The following NEBL variants were observed in gnomAD, a reference collection of about 807,000 sequenced individuals.
NEBL encodes nebulette, also known as LIM and SH3 protein 2.
Under a neutral mutation model 140.2 loss-of-function variants are expected in NEBL, and 122 were observed. That is an observed-to-expected ratio of 0.87 (90% confidence interval 0.75 to 1.01). NEBL has a LOEUF of 1.01. NEBL is among the 50% of genes least tolerant of loss of function. The pLI is 0.00. For synonymous variants in NEBL, 436 were observed against 398.9 expected (o/e 1.09, Z -1.11); for missense variants, 1,365 against 1,231.3 (o/e 1.11, Z -1.62).
In NEBL at chr10:21,233,868, CAT is replaced by C. The variant is rs771015552; in HGVS notation, n.348+14051_348+14052del. Among the ~76,000 whole-genome samples, 8 of 124,468 alleles carry C rather than the reference CAT, an allele frequency of 6.4e-5. No individual in the cohort carries two copies. The South Asian group carries it at 1.2e-3, about 18-fold the overall frequency. 81.7% of individuals were successfully genotyped at this position (124,468 alleles called of 152,430 possible). ...ATATTACATATATAGATATATATTA[CAT>C]ATATATGCATATATAGATATATATT... On this transcript the variant is annotated intron_variant and non_coding_transcript_variant, in intron 3 of 8. Transcript: ENST00000675702.
Position 21,065,819 on chromosome 10 carries a change from A to G in NEBL, c.165-45618T>C, listed in dbSNP as rs141788959. Among the ~76,000 whole-genome samples the G allele has an allele frequency of 3.0e-3, 462 of 152,324 alleles. 3 individuals carry two copies. Among genetic ancestry groups the G allele is most frequent in the Non-Finnish European group, 2.5e-3 (171 of 68,028 alleles). ...GCAACCCTATCACTCCATCTGGCAC[A>G]TCTTTCCTGGAACAGTCCCTGGAAG... On this transcript the variant is annotated intron_variant, in intron 2 of 6. Coordinates refer to the NEBL transcript ENST00000417816.
intron 2 of NEBL, chr10:21,030,098 G>A: frequency 6.3e-6 from 3 of 473,718 alleles, no homozygotes; most frequent in Non-Finnish European, 1.2e-5. Flanking sequence ...CTTTGGAGGG[G>A]CAAAGCCCGT....
chr10:21,074,507 T>G (rs991045161), intron 2 of NEBL, among the ~76,000 whole-genome samples: 4 of 150,760 alleles, frequency 2.7e-5, no homozygotes, highest in Admixed American at 2.0e-4. Flanking sequence ...TGAGTCAGAG[T>G]CTCGCTCTGT....
intron 24 of NEBL, among the ~76,000 whole-genome samples, chr10:20,811,640 C>T (rs1838153109): frequency 6.6e-6 from 1 of 152,210 alleles, no homozygotes; most frequent in South Asian, 2.1e-4. Context: ...CTTAGTGCTG[C>T]TCTGACTTTA....
At chr10:20,944,997 AC>A (rs1312651817) in intron 4 of NEBL, among the ~76,000 whole-genome samples, 1 of 152,200 alleles carries the variant, frequency 6.6e-6, no homozygotes, top group East Asian at 1.9e-4. Context: ...CAATATTTAA[AC>A]AAACAATAAC....
At chr10:21,053,235 A>G (rs550560873) in intron 2 of NEBL, among the ~76,000 whole-genome samples, 1 of 152,216 alleles carries the variant, frequency 6.6e-6, no homozygotes, top group Non-Finnish European at 1.5e-5. Flanking sequence ...GAGCATATAC[A>G]ATGTAAGATT....
chr10:21,006,501 A>T (rs1838144655), intron 3 of NEBL, among the ~76,000 whole-genome samples: 1 of 152,176 alleles, frequency 6.6e-6, no homozygotes, highest in Admixed American at 6.5e-5. Flanking sequence ...GAGACCTGTA[A>T]ATCCAACCAG....
rs1837066334 is a variant in NEBL, at chr10:20,800,990, C to T, written c.2761+7520G>A. On this transcript the variant is annotated intron_variant, in intron 26 of 27. Transcript: ENST00000377122. ...GTGCTGGGACCATGTTCCCTTGAGC[C>T]CTATCTCTGCAGAGATTGGGGTTCA... is the stretch of plus-strand genomic sequence containing the variant. Among the ~76,000 whole-genome samples the T allele has an allele frequency of 2.0e-5, 3 of 152,078 alleles. No homozygotes were observed. The South Asian group carries it at 6.2e-4, about 32-fold the overall frequency.
rs1425270194 is a variant in NEBL at position 20,982,364 on chromosome 10, A to AT, written c.250-20586dup. Among the ~76,000 whole-genome samples, 17 of 145,816 alleles carry AT rather than the reference A, an allele frequency of 1.2e-4. 1 individual carries two copies. Among genetic ancestry groups the AT allele is most frequent in the African/African-American group, 4.4e-4 (16 of 36,640 alleles). The stretch of plus-strand genomic sequence containing the variant: ...GTCTCAATTTCAGCAAGGGTATCCT[A>AT]TTTTTTTATTTGTTGAACTTGAGCA... On this transcript the variant is annotated intron_variant, in intron 3 of 6. Transcript: ENST00000417816.
At chr10:20,843,381 G>C (rs574311255) in intron 12 of NEBL, among the ~76,000 whole-genome samples, 4 of 151,990 alleles carry the variant, frequency 2.6e-5, no homozygotes, top group Non-Finnish European at 5.9e-5. Flanking sequence ...ACAGTGTTCT[G>C]AGCCCTTTCC....
At chr10:20,859,673 A>G (rs372369741) in intron 8 of NEBL, 40 bp downstream of exon 8, 3 of 1,351,320 alleles carry the variant, frequency 2.2e-6, no homozygotes, top group Admixed American at 1.7e-5. Flanking sequence ...AACAAGAATC[A>G]AAAGATTTTG....
intron 2 of NEBL, among the ~76,000 whole-genome samples, chr10:21,250,247 C>A (rs1421755581): frequency 6.6e-6 from 1 of 152,064 alleles, no homozygotes; most frequent in East Asian, 1.9e-4. Flanking sequence ...TGAGTGGGCA[C>A]CATCTAATCA....
At chr10:21,126,016 C>T (rs377618156) in intron 2 of NEBL, 16 of 1,614,154 alleles carry the variant, frequency 9.9e-6, no homozygotes, top group Admixed American at 6.7e-5. Context: ...GCTGACTCTC[C>T]GCAGCCACCT....
At chr10:21,281,587 A>T (rs999000287) in intron 1 of NEBL, among the ~76,000 whole-genome samples, 1 of 151,872 alleles carries the variant, frequency 6.6e-6, no homozygotes, top group African/African-American at 2.4e-5. Flanking sequence ...CCCCAAACAC[A>T]CATTCATCCT....
At chr10:21,113,290 T>TAAAAA (rs56366013) in intron 2 of NEBL, 39 of 124,070 alleles carry the variant, frequency 3.1e-4, no homozygotes, top group South Asian at 1.9e-3. Context: ...ATGAGAATCC[T>TAAAAA]AAAAAAAAAA....
At chr10:21,201,826 GTTTC>G (rs1466840275) in intron 3 of NEBL, among the ~76,000 whole-genome samples, 10 of 152,064 alleles carry the variant, frequency 6.6e-5, no homozygotes, top group Admixed American at 5.9e-4. Context: ...GTTTGGAAAA[GTTTC>G]TTTCAGCTTC....
intron 2 of NEBL, among the ~76,000 whole-genome samples, chr10:21,086,078 C>T (rs11012517): frequency 0.11 from 16,826 of 151,876 alleles, 988 homozygotes; most frequent in South Asian, 0.16. Context: ...GAGAATCTGG[C>T]GTTGTATTGG....
chr10:21,082,761 A>ATTTT (rs71392113), intron 2 of NEBL, among the ~76,000 whole-genome samples: 6,590 of 109,382 alleles, frequency 0.06, 492 homozygotes, highest in East Asian at 0.096. Flanking sequence ...GGAGGGATGC[A>ATTTT]TTTTTTTTTT....
At chr10:21,063,306 T>C (rs550160293) in intron 2 of NEBL, among the ~76,000 whole-genome samples, 1 of 152,282 alleles carries the variant, frequency 6.6e-6, no homozygotes, top group South Asian at 2.1e-4. Flanking sequence ...CATTCCATGA[T>C]CACCATCAAG....
Sources: gnomAD v4.1 joint callset for allele counts (sites outside exome capture counted in the v4.1 genomes callset) on GRCh38, gnomAD v4.1.1 for gene constraint, MANE v1.5 for transcripts, NCBI Gene and HGNC (gene_info 2026-07-23, HGNC 2026-07-21) for gene names.